SLC44A5: variants seen among roughly 807,000 people sequenced by gnomAD.
SLC44A5 encodes choline transporter-like protein 5.
A neutral mutation model predicts 101.8 loss-of-function variants in SLC44A5; 57 were observed. That is an observed-to-expected ratio of 0.56 (90% CI 0.45 to 0.70). The LOEUF is 0.70. SLC44A5 is among the 30% of genes least tolerant of loss of function. SLC44A5 has a pLI of 0.00. For missense variants in SLC44A5, 737 were observed against 853.1 expected, an observed-to-expected ratio of 0.86 and a Z score of 1.70; for synonymous variants, 281 against 290.9, an observed-to-expected ratio of 0.97 and a Z score of 0.35.
At chr1:75,468,384 C>T (rs1170909746) in intron 2 of SLC44A5, among the ~76,000 whole-genome samples, 3 of 152,144 alleles carry the variant, frequency 2.0e-5, no homozygotes, top group South Asian at 2.1e-4. Context: ...TTTGTTGTAG[C>T]GCTCTTCACG....
intron 6 of SLC44A5, among the ~76,000 whole-genome samples, chr1:75,260,534 G>C (rs1175408188): frequency 6.6e-6 from 1 of 152,082 alleles, no homozygotes; most frequent in African/African-American, 2.4e-5. Flanking sequence ...CAAGTTATTA[G>C]AGACCTACAA....
At chr1:75,636,591 A>G in the SLC44A5 span, among the ~76,000 whole-genome samples, 2 of 152,148 alleles carry the variant, frequency 1.3e-5, no homozygotes, top group African/African-American at 4.8e-5. Flanking sequence ...GAGGAACTGC[A>G]ATCATTTAAT....
At chr1:75,592,128 A>C (rs945371987) in intron 1 of SLC44A5, among the ~76,000 whole-genome samples, 1 of 152,172 alleles carries the variant, frequency 6.6e-6, no homozygotes, top group African/African-American at 2.4e-5. Flanking sequence ...TATTTGGATA[A>C]ACCTAAAGAC....
At chr1:75,306,823 C>T (rs1654947065) in intron 4 of SLC44A5, among the ~76,000 whole-genome samples, 1 of 146,176 alleles carries the variant, frequency 6.8e-6, no homozygotes, top group Admixed American at 7.2e-5. Context: ...CAAGCTCCGC[C>T]TCCCGGGTTC....
rs1380130611 is a variant in SLC44A5, at chr1:75,214,643, T to C, written c.1764A>G (p.Ala588=). Residue 588 remains alanine (A), a synonymous_variant, in exon 20 of 24, where the codon GCA becomes GCG. Transcript: ENST00000370859. ...TCATCAGCAGATTGAAAGCATCTTT[T>C]GCTGACCTGCAGAAGTTTCTGCCAT... The part of the protein sequence containing the change: ...AIYGRNFCRS[A]KDAFNLLMRN... 6.2e-7 allele frequency: 1 copy of C among 1,611,772 alleles called. No individual in the cohort carries two copies. Among genetic ancestry groups the C allele is most frequent in the East Asian group, 2.2e-5 (1 of 44,788 alleles).
chr1:75,659,490 AAGGC>A, the SLC44A5 span, among the ~76,000 whole-genome samples: 212 of 42,308 alleles, frequency 5.0e-3, 18 homozygotes, highest in East Asian at 0.019. Flanking sequence ...GGAAGGAAGG[AAGGC>A]AGGCAGGCAG....
chr1:75,349,813 A>T (rs1055078487), intron 3 of SLC44A5, among the ~76,000 whole-genome samples: 1 of 152,228 alleles, frequency 6.6e-6, no homozygotes, highest in Non-Finnish European at 1.5e-5. Context: ...TATTATTTAA[A>T]AAAAGGGTAA....
intron 5 of SLC44A5, among the ~76,000 whole-genome samples, chr1:75,278,927 G>C (rs1005232001): frequency 2.0e-5 from 3 of 151,954 alleles, no homozygotes; most frequent in Admixed American, 6.6e-5. Flanking sequence ...TATTGTTATT[G>C]ATATATTATA....
At chr1:75,555,112 T>G (rs1352369536) in intron 1 of SLC44A5, among the ~76,000 whole-genome samples, 1 of 152,130 alleles carries the variant, frequency 6.6e-6, no homozygotes, top group Non-Finnish European at 1.5e-5. Flanking sequence ...AAAAGTCAAA[T>G]AAATGCAACA....
intron 2 of SLC44A5, among the ~76,000 whole-genome samples, chr1:75,469,633 G>A (rs548278290): frequency 6.6e-6 from 1 of 152,252 alleles, no homozygotes; most frequent in South Asian, 2.1e-4. Flanking sequence ...AAAAAGTAGA[G>A]TCAGACTGAG....
At chr1:75,423,772 C>A (rs1473906012) in intron 2 of SLC44A5, among the ~76,000 whole-genome samples, 2 of 152,232 alleles carry the variant, frequency 1.3e-5, no homozygotes, top group Non-Finnish European at 1.5e-5. Context: ...CTGGGACAGG[C>A]CTTGCTGAGC....
the SLC44A5 span, among the ~76,000 whole-genome samples, chr1:75,632,752 T>G: frequency 1.3e-5 from 2 of 152,228 alleles, no homozygotes; most frequent in African/African-American, 4.8e-5. Flanking sequence ...AAATTGCTTA[T>G]GTTCATAAGT....
chr1:75,258,405 G>A (rs1215421335), intron 6 of SLC44A5, among the ~76,000 whole-genome samples: 1 of 152,068 alleles, frequency 6.6e-6, no homozygotes, highest in African/African-American at 2.4e-5. Context: ...TTACAAAGTC[G>A]TTGGGAAGTT....
the SLC44A5 span, among the ~76,000 whole-genome samples, chr1:75,685,477 T>C: frequency 2.0e-5 from 3 of 152,196 alleles, no homozygotes; most frequent in Admixed American, 6.5e-5. Context: ...ACCATATCTT[T>C]GTGAATACAT....
chr1:75,457,492 T>C (rs1666252874), intron 2 of SLC44A5, among the ~76,000 whole-genome samples: 1 of 152,090 alleles, frequency 6.6e-6, no homozygotes, highest in African/African-American at 2.4e-5. Flanking sequence ...GAAAAAGTAT[T>C]CCAGGCTGTG....
chr1:75,605,375 T>TA (rs1357789438), intron 1 of SLC44A5, among the ~76,000 whole-genome samples: 1 of 151,324 alleles, frequency 6.6e-6, no homozygotes, highest in African/African-American at 2.4e-5. Flanking sequence ...GGAGAAAAAA[T>TA]AAAAATAAAT....
At position 75,608,331 on chromosome 1, in the gene SLC44A5, A is replaced by ATGTGTGTG. The variant is rs113982384; in HGVS notation, c.-70+2701_-70+2708dup. Among the ~76,000 whole-genome samples, 170 of 148,682 alleles carry ATGTGTGTG rather than the reference A, an allele frequency of 1.1e-3. 1 individual carries two copies. Among genetic ancestry groups the ATGTGTGTG allele is most frequent in the African/African-American group, 4.1e-3 (168 of 40,768 alleles). ...AATGGATAAACAAAATGTGAGGGGT[A>ATGTGTGTG]TGTGTGTGTGTGTGTGTGTGTTGTG... is the stretch of plus-strand genomic sequence containing the variant. On this transcript the variant is annotated intron_variant, in intron 1 of 23. Coordinates refer to ENST00000370859, the MANE Select transcript of SLC44A5 (RefSeq NM_001130058.2).
chr1:75,577,345 G>C (rs1226546769), intron 1 of SLC44A5, among the ~76,000 whole-genome samples: 1 of 152,138 alleles, frequency 6.6e-6, no homozygotes, highest in East Asian at 1.9e-4. Flanking sequence ...ACAAAATCAG[G>C]CCCTTTATTA....
intron 2 of SLC44A5, among the ~76,000 whole-genome samples, chr1:75,529,063 G>A (rs1670581653): frequency 6.6e-6 from 1 of 152,118 alleles, no homozygotes; most frequent in Non-Finnish European, 1.5e-5. Context: ...TATTCAGCAA[G>A]CAATAGGATG....
Sources: gnomAD v4.1 joint callset for allele counts (sites outside exome capture counted in the v4.1 genomes callset) on GRCh38, gnomAD v4.1.1 for gene constraint, MANE v1.5 for transcripts, NCBI Gene and HGNC (gene_info 2026-07-23, HGNC 2026-07-21) for gene names.